Variants in CMTM4 observed in about 807,000 individuals in gnomAD.
CMTM4 encodes CKLF-like MARVEL transmembrane domain-containing protein 4.
CMTM4 carries 8 observed loss-of-function variants against 19.0 expected under a neutral mutation model. The observed-to-expected ratio is 0.42, with a 90% CI of 0.25 to 0.76. CMTM4 has a LOEUF of 0.76. CMTM4 is among the 30% of genes least tolerant of loss of function. CMTM4 has a pLI of 0.27. For synonymous variants in CMTM4, 106 were observed against 121.1 expected (o/e 0.88, Z 0.82); for missense variants, 228 against 290.2 (o/e 0.79, Z 1.56).
At chr16:66,627,179 G>A (rs1158579885) in intron 2 of CMTM4, among the ~76,000 whole-genome samples, 2 of 152,184 alleles carry the variant, frequency 1.3e-5, no homozygotes, top group East Asian at 3.9e-4. Flanking sequence ...CAATAGGGGA[G>A]TTGTTCAATA....
chr16:66,605,634 G>C, the CMTM4 span: 2 of 154,194 alleles, frequency 1.3e-5, no homozygotes, highest in Non-Finnish European at 2.9e-5. This position sits in a 1 kb window ranked among gnomAD's most constrained non-coding sequence, Gnocchi z 4.6. Context: ...GGGGAGGCGG[G>C]AGGAGAGAGC....
At chr16:66,690,302 G>C (rs2017111711) in intron 1 of CMTM4, among the ~76,000 whole-genome samples, 1 of 152,138 alleles carries the variant, frequency 6.6e-6, no homozygotes, top group Non-Finnish European at 1.5e-5. Context: ...GTTTGACCAG[G>C]GTCATTGTGT....
At chr16:66,636,762 C>A (rs1172196367) in intron 1 of CMTM4, among the ~76,000 whole-genome samples, 181 bp from the exon 2 acceptor site, 1 of 152,102 alleles carries the variant, frequency 6.6e-6, no homozygotes, top group African/African-American at 2.4e-5. Flanking sequence ...AGAATAGGTG[C>A]AGGGGTCTTA....
Position 66,617,020 on chromosome 16 carries a change from GC to G in CMTM4, c.*5037del, listed in dbSNP as rs1447901610. Reference sequence around the variant, plus strand: ...TCTGACCTGGCCCTAAATCCCATCAGCAAAGCTGACTAAGGTGGTCTGAGAT... The same window carrying G: ...TCTGACCTGGCCCTAAATCCCATCAGAAAGCTGACTAAGGTGGTCTGAGAT... On this transcript the variant is annotated 3_prime_UTR_variant, in exon 4 of 4. Transcript: ENST00000394106. 1 of 313,698 alleles carries G rather than the reference GC, an allele frequency of 3.2e-6. No individual in the cohort carries two copies. The highest frequency in any genetic ancestry group is 5.8e-6 in the Non-Finnish European group (1 of 170,990). 19.4% of individuals were successfully genotyped at this position (313,698 alleles called of 1,614,324 possible).
chr16:66,610,190 C>A, downstream of CMTM4: 1 of 702,318 alleles, frequency 1.4e-6, no homozygotes, highest in Non-Finnish European at 2.3e-6. The surrounding 1 kb of genome is among the most constrained non-coding windows in gnomAD (Gnocchi z 4.6). Flanking sequence ...TCGCCTCGTG[C>A]ACCCTCACCC....
chr16:66,670,112 T>C (rs1290143197), intron 1 of CMTM4, among the ~76,000 whole-genome samples: 1 of 152,094 alleles, frequency 6.6e-6, no homozygotes, highest in Non-Finnish European at 1.5e-5. Context: ...GGCTAAAGCA[T>C]AACAAAGCAT....
intron 1 of CMTM4, among the ~76,000 whole-genome samples, chr16:66,652,197 C>A (rs551940967): frequency 1.3e-5 from 2 of 152,200 alleles, no homozygotes; most frequent in African/African-American, 4.8e-5. Flanking sequence ...AAGGGAGAGG[C>A]TTCCAAGGAC....
chr16:66,604,841 C>G, the CMTM4 span: 1 of 1,353,408 alleles, frequency 7.4e-7, no homozygotes, highest in African/African-American at 1.5e-5. Flanking sequence ...ACCCGGACCC[C>G]GAGCCTGCCG....
chr16:66,639,442 TTA>T (rs1279910774), intron 1 of CMTM4, among the ~76,000 whole-genome samples: 1 of 152,224 alleles, frequency 6.6e-6, no homozygotes, highest in Non-Finnish European at 1.5e-5. Context: ...ACTCCTGCTC[TTA>T]GCTCACAGTC....
chr16:66,668,682 C>G (rs2016648331), intron 1 of CMTM4, among the ~76,000 whole-genome samples: 1 of 152,080 alleles, frequency 6.6e-6, no homozygotes, highest in East Asian at 1.9e-4. Context: ...TTCACTGTCC[C>G]TAAATAAGCT....
At chr16:66,678,087 A>C (rs1016043062) in intron 1 of CMTM4, among the ~76,000 whole-genome samples, 1 of 152,160 alleles carries the variant, frequency 6.6e-6, no homozygotes, top group African/African-American at 2.4e-5. Context: ...CTGAAGCAGG[A>C]GATCACTTGA....
chr16:66,633,948 G>A (rs536252860), intron 2 of CMTM4, among the ~76,000 whole-genome samples: 3 of 152,190 alleles, frequency 2.0e-5, no homozygotes, highest in Non-Finnish European at 2.9e-5. Context: ...GAACAGGATC[G>A]TGTTCTCAAG....
Position 66,696,040 on chromosome 16 carries a change from C to T in CMTM4, c.186+300G>A, listed in dbSNP as rs2017227212. On this transcript the variant is annotated intron_variant, in intron 1 of 3. Transcript: ENST00000394106. This position sits in a 1 kb window ranked among gnomAD's most constrained non-coding sequence, Gnocchi z 4.3. ...AGCAGGATTCCCAGCAGCACCCAGC[C>T]CAGTAACGCCACAGACTCCCGGGAG... is the stretch of plus-strand genomic sequence containing the variant. Among the ~76,000 whole-genome samples, 1 of 152,182 alleles carries T rather than the reference C, an allele frequency of 6.6e-6. No homozygotes were observed. Among genetic ancestry groups the T allele is most frequent in the Admixed American group, 6.5e-5 (1 of 15,284 alleles).
intron 1 of CMTM4, among the ~76,000 whole-genome samples, chr16:66,688,013 T>G (rs1202043178): frequency 6.6e-6 from 1 of 152,006 alleles, no homozygotes; most frequent in Admixed American, 6.6e-5. Context: ...AAATAGAAAT[T>G]TATTGCTCAT....
the CMTM4 span, among the ~76,000 whole-genome samples, chr16:66,606,190 G>A: frequency 6.6e-6 from 1 of 152,104 alleles, no homozygotes; most frequent in Non-Finnish European, 1.5e-5. Flanking sequence ...GGGCACTCCT[G>A]CCTCCCTAGT....
rs574887619 is a variant in CMTM4, at chr16:66,665,840, A to AG, written c.187-29260dup. Among the ~76,000 whole-genome samples, 938 of 152,096 alleles carry AG rather than the reference A, an allele frequency of 6.2e-3. 2 individuals carry two copies. Among genetic ancestry groups the AG allele is most frequent in the Non-Finnish European group, 8.6e-3 (587 of 67,970 alleles). ...TCCCAGCACTTTGGGAGGCTGAAGC[A>AG]GGTGGATCACTTGAGGTTAGGAGTT... On this transcript the variant is annotated intron_variant, in intron 1 of 3. Coordinates refer to ENST00000394106, the MANE Select transcript of CMTM4 (RefSeq NM_181521.3).
At chr16:66,693,880 G>C (rs2017181242) in intron 1 of CMTM4, among the ~76,000 whole-genome samples, 1 of 152,094 alleles carries the variant, frequency 6.6e-6, no homozygotes, top group African/African-American at 2.4e-5. Flanking sequence ...AAATTAGCTG[G>C]GCATGGTGGT....
rs774164645 is a variant in CMTM4, at chr16:66,617,959, G to A, written c.*4099C>T. On this transcript the variant is annotated 3_prime_UTR_variant, in exon 4 of 4. Coordinates refer to ENST00000394106, the MANE Select transcript of CMTM4 (RefSeq NM_181521.3). Reference sequence around the variant, plus strand: ...AAAGTACACGTTTCCAAGACAGCCTGAGCTGTCTAGTGCTGATAGCAGACA... The same window carrying A: ...AAAGTACACGTTTCCAAGACAGCCTAAGCTGTCTAGTGCTGATAGCAGACA... The A allele has an allele frequency of 1.0e-6, 1 of 986,662 alleles. No homozygotes were observed. The highest frequency in any genetic ancestry group is 1.7e-5 in the African/African-American group (1 of 57,256). The allele number at this position is 986,662 out of a possible 1,614,324, so 61.1% of individuals were successfully genotyped here. A position where few individuals can be genotyped will look rare whatever the true frequency, so the allele number is the denominator to read the frequency against.
chr16:66,605,045 C>A, the CMTM4 span: 1 of 1,170,176 alleles, frequency 8.5e-7, no homozygotes, highest in South Asian at 2.0e-5. The surrounding 1 kb of genome is among the most constrained non-coding windows in gnomAD (Gnocchi z 4.6). Flanking sequence ...CGGGGGCGGC[C>A]GCCGTGCTCC....
Sources: allele counts gnomAD v4.1 joint callset (sites outside exome capture counted in the v4.1 genomes callset), GRCh38; gene constraint gnomAD v4.1.1; non-coding constraint Gnocchi (gnomAD v3.1); transcripts MANE v1.5; gene names NCBI Gene and HGNC (gene_info 2026-07-23, HGNC 2026-07-21).